Variants in KIAA1671 observed in about 807,000 individuals in gnomAD.
KIAA1671 encodes the protein uncharacterized protein KIAA1671.
Under a neutral mutation model 131.2 loss-of-function variants are expected in KIAA1671, and 52 were observed. The ratio of observed to expected loss-of-function variants is 0.40; its 90% CI spans 0.32 to 0.50. The LOEUF (loss-of-function observed/expected upper bound fraction) is 0.50. KIAA1671 is among the 20% of genes least tolerant of loss of function. The pLI is 0.73. For synonymous variants in KIAA1671, 1,003 were observed against 961.6 expected (o/e 1.04, Z -0.80); for missense variants, 2,360 against 2,364.2 (o/e 1.00, Z 0.04).
chr22:25,140,037 T>C (rs1040003263), intron 6 of KIAA1671, among the ~76,000 whole-genome samples: 2 of 152,160 alleles, frequency 1.3e-5, no homozygotes, highest in African/African-American at 4.8e-5. Flanking sequence ...AATATAAATA[T>C]CTCACAGTTT....
chr22:25,147,204 T>G (rs1601356071), intron 6 of KIAA1671, among the ~76,000 whole-genome samples: 2 of 119,588 alleles, frequency 1.7e-5, no homozygotes, highest in African/African-American at 8.3e-5. Flanking sequence ...TTTATTTTAT[T>G]TTATTTTAGA....
At chr22:25,133,308 T>C (rs1932527201) in intron 6 of KIAA1671, among the ~76,000 whole-genome samples, 1 of 152,204 alleles carries the variant, frequency 6.6e-6, no homozygotes, top group African/African-American at 2.4e-5. Flanking sequence ...ATTTCCACTT[T>C]CAGAAATGCT....
chr22:25,102,506 C>G (rs9612864), intron 6 of KIAA1671: 118,161 of 152,150 alleles, frequency 0.78, 46,903 homozygotes, highest in African/African-American at 0.94. Context: ...GCAGTGGTGC[C>G]ATCTCCGCTC....
At chr22:25,171,538 C>A (rs1288121575) in intron 7 of KIAA1671, among the ~76,000 whole-genome samples, 2 of 151,960 alleles carry the variant, frequency 1.3e-5, no homozygotes, top group Admixed American at 6.6e-5. Context: ...ATGGCGAAAC[C>A]CCATCTCTAC....
At position 25,020,252 on chromosome 22, in the gene KIAA1671, T is replaced by C. The variant is rs1925589844; in HGVS notation, c.-207-5381T>C. 2.0e-5 allele frequency among the ~76,000 whole-genome samples: 3 copies of C among 152,134 alleles called. No individual in the cohort carries two copies. The South Asian group carries it at 6.2e-4, about 31-fold the overall frequency. On this transcript the variant is annotated intron_variant, in intron 1 of 12. Coordinates refer to ENST00000358431, the MANE Select transcript of KIAA1671 (RefSeq NM_001145206.2). ...CTGTTAGAATGGTGGTAATTAATCA[T>C]TTGAACAGCACAAGTTGTTGAGAAG...
chr22:25,034,881 A>G (rs1438005999), intron 4 of KIAA1671, among the ~76,000 whole-genome samples: 1 of 146,122 alleles, frequency 6.8e-6, no homozygotes, highest in Non-Finnish European at 1.5e-5. Flanking sequence ...GGGACTACAG[A>G]GGCCCGCCAC....
intron 1 of KIAA1671, among the ~76,000 whole-genome samples, chr22:24,966,359 G>A (rs1223720113): frequency 6.6e-6 from 1 of 152,198 alleles, no homozygotes; most frequent in Non-Finnish European, 1.5e-5. Flanking sequence ...TGGGTGCACC[G>A]AGGTCACTGT....
intron 5 of KIAA1671, among the ~76,000 whole-genome samples, chr22:25,044,422 C>T (rs892796537): frequency 6.6e-5 from 10 of 152,036 alleles, no homozygotes; most frequent in East Asian, 3.9e-4. Flanking sequence ...GCTCAGGGCC[C>T]GCTGGTGGTG....
intron 3 of KIAA1671, among the ~76,000 whole-genome samples, chr22:25,029,813 T>A (rs1926178550): frequency 6.6e-6 from 1 of 152,116 alleles, no homozygotes; most frequent in Non-Finnish European, 1.5e-5. Flanking sequence ...AAGTGGGCGG[T>A]ATGTGCCCAT....
chr22:25,026,044 A>G (rs1925926938), intron 2 of KIAA1671, among the ~76,000 whole-genome samples: 1 of 152,198 alleles, frequency 6.6e-6, no homozygotes, highest in Non-Finnish European at 1.5e-5. Flanking sequence ...TTGTGTATGG[A>G]AATTCTCCAA....
intron 1 of KIAA1671, among the ~76,000 whole-genome samples, chr22:24,975,019 C>A (rs1050824182): frequency 9.2e-5 from 14 of 152,156 alleles, no homozygotes; most frequent in African/African-American, 3.4e-4. Context: ...CTTTAAAGTG[C>A]ACAGTTCAGT....
chr22:25,117,624 CACACACACACACAG>C (rs1175911216), intron 6 of KIAA1671, among the ~76,000 whole-genome samples: 2 of 151,404 alleles, frequency 1.3e-5, no homozygotes, highest in Non-Finnish European at 2.9e-5. Flanking sequence ...CACACACACA[CACACACACACACAG>C]ACACACTGCT....
intron 1 of KIAA1671, among the ~76,000 whole-genome samples, chr22:24,968,351 C>T (rs1230969679): frequency 6.6e-6 from 1 of 152,056 alleles, no homozygotes; most frequent in Non-Finnish European, 1.5e-5. Context: ...CTCTGGGTGC[C>T]ATCCAGTTCT....
intron 1 of KIAA1671, among the ~76,000 whole-genome samples, chr22:24,996,277 C>T (rs775760944): frequency 6.6e-6 from 1 of 151,952 alleles, no homozygotes; most frequent in Non-Finnish European, 1.5e-5. Context: ...GGCTGAAAAG[C>T]ACAGCTTAGG....
chr22:25,015,406 GCTT>G (rs1925256346), intron 1 of KIAA1671, among the ~76,000 whole-genome samples: 1 of 152,098 alleles, frequency 6.6e-6, no homozygotes, highest in African/African-American at 2.4e-5. Flanking sequence ...GGAAACAGCA[GCTT>G]AATTAATGGT....
At chr22:25,037,900 CACG>C (rs1395680508) in intron 4 of KIAA1671, among the ~76,000 whole-genome samples, 2 of 152,018 alleles carry the variant, frequency 1.3e-5, no homozygotes, top group African/African-American at 4.8e-5. Context: ...AGTGCAGTGG[CACG>C]ACCTCGGCTC....
chr22:25,038,959 T>C lies in KIAA1671; in HGVS notation c.1829T>C (p.Val610Ala). ...GAGGATGACCGGAGCTTCCAGACTG[T>C]GTGGGCCACAGTATTTGAGCACCAC... ...TPEDDRSFQT[V>A]WATVFEHHVE... Residue 610 changes from valine (V) to alanine (A), a missense_variant, in exon 5 of 13, where the codon GTG becomes GCG. Coordinates refer to ENST00000358431, the MANE Select transcript of KIAA1671 (RefSeq NM_001145206.2). The C allele has an allele frequency of 6.4e-7, 1 of 1,551,766 alleles. No homozygotes were observed.
intron 6 of KIAA1671, among the ~76,000 whole-genome samples, chr22:25,067,706 T>C (rs1389701293): frequency 6.6e-6 from 1 of 152,126 alleles, no homozygotes; most frequent in Non-Finnish European, 1.5e-5. Context: ...CCCCTTTCTC[T>C]CCGGGCATTT....
chr22:25,146,829 G>A (rs1932887920), intron 6 of KIAA1671, among the ~76,000 whole-genome samples: 1 of 152,190 alleles, frequency 6.6e-6, no homozygotes, highest in African/African-American at 2.4e-5. Context: ...ACAAAATAGA[G>A]GAGAGCAGAG....
Sources: allele counts gnomAD v4.1 joint callset (sites outside exome capture counted in the v4.1 genomes callset), GRCh38; gene constraint gnomAD v4.1.1; transcripts MANE v1.5; gene names NCBI Gene and HGNC (gene_info 2026-07-23, HGNC 2026-07-21).